The following SLC22A23 variants were observed in gnomAD, a reference collection of about 807,000 sequenced individuals.
SLC22A23 encodes the protein ion transporter protein.
Under a neutral mutation model 61.0 loss-of-function variants are expected in SLC22A23, and 26 were observed. The observed-to-expected ratio is 0.43, with a 90% confidence interval of 0.31 to 0.59. The LOEUF (loss-of-function observed/expected upper bound fraction) is 0.59. Ranked by LOEUF, SLC22A23 falls within the 20% of genes least tolerant of loss-of-function variation. The pLI, the probability that SLC22A23 is intolerant of heterozygous loss-of-function variation, is 0.11. For synonymous variants in SLC22A23, 430 were observed against 413.9 expected (o/e 1.04, Z -0.47); for missense variants, 796 against 934.7 (o/e 0.85, Z 1.94).
Position 3,415,626 on chromosome 6 carries a change from T to C in SLC22A23, c.758+126A>G, listed in dbSNP as rs896759952. On this transcript the variant is annotated intron_variant, in intron 2 of 9. Transcript: ENST00000406686. ...AGCTCTGCATTCTCCACGTGGCAGC[T>C]TTGGCCTTCTGCTCTGGCACTGGGA... 10 of 652,780 alleles carry C rather than the reference T, an allele frequency of 1.5e-5. No individual in the cohort carries two copies. The East Asian group carries it at 2.8e-4, about 18-fold the overall frequency. The allele number at this position is 652,780 out of a possible 1,614,324, so 40.4% of individuals were successfully genotyped here.
intron 5 of SLC22A23, among the ~76,000 whole-genome samples, chr6:3,293,812 C>T (rs1760835086): frequency 6.6e-6 from 1 of 152,192 alleles, no homozygotes; most frequent in East Asian, 1.9e-4. Flanking sequence ...ATTGTTAAGG[C>T]AGAGTGAGGC....
chr6:3,414,862 C>T lies in SLC22A23; in HGVS notation c.758+890G>A, dbSNP rs1269010891. On this transcript the variant is annotated intron_variant, in intron 2 of 9. Transcript: ENST00000406686. The surrounding 1 kb of genome is among the most constrained non-coding windows in gnomAD (Gnocchi z 5.1). Reference sequence around the variant, plus strand: ...GTGCAACTGCCTCCCTGCTTAGACACCTCACCGCTGCTGCCCCTGTGACCA... The same window carrying T: ...GTGCAACTGCCTCCCTGCTTAGACATCTCACCGCTGCTGCCCCTGTGACCA... Among the ~76,000 whole-genome samples the T allele has an allele frequency of 2.0e-5, 3 of 152,132 alleles. No homozygotes were observed. Among genetic ancestry groups the T allele is most frequent in the Admixed American group, 6.5e-5 (1 of 15,280 alleles).
At chr6:3,359,262 G>A (rs928520212) in intron 3 of SLC22A23, among the ~76,000 whole-genome samples, 7 of 151,882 alleles carry the variant, frequency 4.6e-5, no homozygotes, top group South Asian at 2.1e-4. Flanking sequence ...GGAATTCACC[G>A]CCCTCAGGCA....
chr6:3,283,993 GA>G lies in SLC22A23; in HGVS notation c.1580-19del. ...ACTCATCCCTGGGGGAAGGTCAGAA[GA>G]AGGTGGTGAGGGAAGAGAGGAAGCC... On this transcript the variant is annotated intron_variant, in intron 8 of 9. Coordinates refer to ENST00000406686, the MANE Select transcript of SLC22A23 (RefSeq NM_015482.2). The G allele has an allele frequency of 6.3e-7, 1 of 1,593,776 alleles. No homozygotes were observed. The highest frequency in any genetic ancestry group is 8.6e-7 in the Non-Finnish European group (1 of 1,165,502).
chr6:3,440,475 A>G (rs937879760), intron 1 of SLC22A23, among the ~76,000 whole-genome samples: 8 of 152,252 alleles, frequency 5.3e-5, no homozygotes, highest in Admixed American at 3.9e-4. Context: ...TGGGAGGCCG[A>G]GGCAGGTGGA....
chr6:3,363,990 C>CT (rs938777244), intron 3 of SLC22A23, among the ~76,000 whole-genome samples: 69 of 152,260 alleles, frequency 4.5e-4, no homozygotes, highest in African/African-American at 1.6e-3. Flanking sequence ...ACGGTACTGA[C>CT]TTTATCTGAC....
In SLC22A23 at chr6:3,323,936, G is replaced by A. The variant is rs200029441; in HGVS notation, c.980C>T (p.Ala327Val). 53 of 1,614,100 alleles carry A rather than the reference G, an allele frequency of 3.3e-5. 1 individual carries two copies. The highest frequency in any genetic ancestry group is 1.2e-4 in the South Asian group (11 of 91,086). Residue 327 changes from alanine to valine, a missense_variant, in exon 4 of 10, where the codon GCG (alanine) becomes GTG (valine). Physicochemically the swap from Ala to Val is moderately conservative, Grantham distance 64. Transcript: ENST00000406686. ...ITMVASFVAM[A>V]GQFLMPGLAA... ...TAGCCCAGGCATGAGGAACTGGCCC[G>A]CCATGGCCACGAAGCTCGCCACCAT...
Position 3,330,909 on chromosome 6 carries a change from G to A in SLC22A23, c.914-6907C>T, listed in dbSNP as rs943513507. ...AGTGTCTGCCAGACATGTAGACATA[G>A]GCATTAAATGCTCAAATGCAGAAAT... On this transcript the variant is annotated intron_variant, in intron 3 of 9. Coordinates refer to ENST00000406686, the MANE Select transcript of SLC22A23 (RefSeq NM_015482.2). This position sits in a 1 kb window ranked among gnomAD's most constrained non-coding sequence, Gnocchi z 4.7. Among the ~76,000 whole-genome samples, 2 of 152,134 alleles carry A rather than the reference G, an allele frequency of 1.3e-5. No individual in the cohort carries two copies. Among genetic ancestry groups the A allele is most frequent in the African/African-American group, 4.8e-5 (2 of 41,442 alleles).
At chr6:3,299,668 A>C (rs1010500519) in intron 4 of SLC22A23, among the ~76,000 whole-genome samples, 2 of 152,252 alleles carry the variant, frequency 1.3e-5, no homozygotes, top group African/African-American at 4.8e-5. Flanking sequence ...CTATCTCTGC[A>C]AAAGTCCAAG....
chr6:3,436,509 G>C (rs1771222336), intron 1 of SLC22A23, among the ~76,000 whole-genome samples: 1 of 152,142 alleles, frequency 6.6e-6, no homozygotes, highest in Non-Finnish European at 1.5e-5. Context: ...GACCCCTCAA[G>C]CTTTCAAACT....
chr6:3,437,556 G>A lies in SLC22A23; in HGVS notation c.654+18350C>T, dbSNP rs1012855044. On this transcript the variant is annotated intron_variant, in intron 1 of 9. Coordinates refer to ENST00000406686, the MANE Select transcript of SLC22A23 (RefSeq NM_015482.2). ...AAAAAAAAATTAGTCAGGTGTGGTGGCAGGCGCCTGTAGTCCCAGGTACTC... is the reference window on the plus strand; with the variant it reads ...AAAAAAAAATTAGTCAGGTGTGGTGACAGGCGCCTGTAGTCCCAGGTACTC... Among the ~76,000 whole-genome samples the A allele has an allele frequency of 5.3e-5, 8 of 151,604 alleles. No individual in the cohort carries two copies. The East Asian group carries it at 1.4e-3, about 26-fold the overall frequency.
chr6:3,435,312 T>C (rs1175399683), intron 1 of SLC22A23, among the ~76,000 whole-genome samples: 9 of 151,602 alleles, frequency 5.9e-5, no homozygotes, highest in African/African-American at 1.9e-4. Context: ...TCCTCATCTC[T>C]TCCTCCTGTT....
intron 3 of SLC22A23, among the ~76,000 whole-genome samples, chr6:3,350,036 T>A (rs1764673238): frequency 6.6e-6 from 1 of 152,194 alleles, no homozygotes; most frequent in African/African-American, 2.4e-5. Flanking sequence ...GTCTGGTGGA[T>A]GAGTAGGACC....
Position 3,333,564 on chromosome 6 carries a change from C to T in SLC22A23, c.914-9562G>A, listed in dbSNP as rs1763694101. The stretch of plus-strand genomic sequence containing the variant: ...GGGCTGTGCACTCCCCGTCTGTCCT[C>T]CCCAGGGAGTTGCATATCTCCCTCC... On this transcript the variant is annotated intron_variant, in intron 3 of 9. Coordinates refer to ENST00000406686, the MANE Select transcript of SLC22A23 (RefSeq NM_015482.2). The surrounding 1 kb of genome is among the most constrained non-coding windows in gnomAD (Gnocchi z 4.1). Among the ~76,000 whole-genome samples the T allele has an allele frequency of 6.6e-6, 1 of 152,216 alleles. No homozygotes were observed. The highest frequency in any genetic ancestry group is 2.4e-5 in the African/African-American group (1 of 41,458).
chr6:3,437,215 T>C (rs990424163), intron 1 of SLC22A23, among the ~76,000 whole-genome samples: 1 of 96,662 alleles, frequency 1.0e-5, no homozygotes, highest in Non-Finnish European at 2.3e-5. Context: ...AACCATTTGC[T>C]TATACTTAAA....
At chr6:3,377,838 G>C (rs1766678391) in intron 3 of SLC22A23, 2 of 152,344 alleles carry the variant, frequency 1.3e-5, no homozygotes, top group Non-Finnish European at 2.9e-5. Context: ...CATACAGGCA[G>C]TCTCAGCTCC....
At chr6:3,273,667 CTATTTT>C (rs1758639404) in intron 9 of SLC22A23, among the ~76,000 whole-genome samples, 1 of 152,196 alleles carries the variant, frequency 6.6e-6, no homozygotes, top group Admixed American at 6.5e-5. Flanking sequence ...TTAATGTTTC[CTATTTT>C]TATTGTTTTT....
In SLC22A23 at chr6:3,272,115, G is replaced by GCC. The variant is rs113074445; in HGVS notation, c.*938_*939dup. The GCC allele has an allele frequency of 2.0e-5, 3 of 152,420 alleles. No homozygotes were observed. The highest frequency in any genetic ancestry group is 2.1e-4 in the South Asian group (1 of 4,822). 9.4% of individuals were successfully genotyped at this position (152,420 alleles called of 1,614,324 possible). The stretch of plus-strand genomic sequence containing the variant: ...GACGGGCGTGTGTGTGTGGAGGGCA[G>GCC]CCCCCCTTCTGTGGATTTGCCTCTG... On this transcript the variant is annotated 3_prime_UTR_variant, in exon 10 of 10. Coordinates refer to ENST00000406686, the MANE Select transcript of SLC22A23 (RefSeq NM_015482.2).
At position 3,410,468 on chromosome 6, in the gene SLC22A23, C is replaced by T; in HGVS notation, c.759-126G>A. On this transcript the variant is annotated intron_variant, in intron 2 of 9. Transcript: ENST00000406686. The surrounding 1 kb of genome is among the most constrained non-coding windows in gnomAD (Gnocchi z 5.0). ...TGAGTACTGGGTAAAAAGTCCTGTG[C>T]CATCTATACCCACTTCACTAGATCC... 2.2e-6 allele frequency: 2 copies of T among 913,242 alleles called. No homozygotes were observed. The allele number at this position is 913,242 out of a possible 1,614,324, so 56.6% of individuals were successfully genotyped here. A position where few individuals can be genotyped will look rare whatever the true frequency, so the allele number is the denominator to read the frequency against.
Sources: allele counts gnomAD v4.1 joint callset (sites outside exome capture counted in the v4.1 genomes callset), GRCh38; gene constraint gnomAD v4.1.1; non-coding constraint Gnocchi (gnomAD v3.1); transcripts MANE v1.5; gene names NCBI Gene and HGNC (gene_info 2026-07-23, HGNC 2026-07-21).